The following MID1 variants were observed in gnomAD, a reference collection of about 807,000 sequenced individuals.
MID1 encodes the protein E3 ubiquitin-protein ligase Midline-1.
MID1 carries 7 observed loss-of-function variants against 40.4 expected under a neutral mutation model. That is an observed-to-expected ratio of 0.17 (90% CI 0.10 to 0.33). The LOEUF is 0.33. Among genes scored for constraint, MID1 ranks in the 10% least tolerant of loss-of-function variants. The pLI is 1.00. For synonymous variants in MID1, 229 were observed against 221.2 expected, an observed-to-expected ratio of 1.04 and a Z score of -0.31; for missense variants, 367 against 558.5, an observed-to-expected ratio of 0.66 and a Z score of 3.46.
rs1928029833 is a variant in MID1 at position 10,446,159 on chromosome X, A to C, written c.*3209T>G. On this transcript the variant is annotated 3_prime_UTR_variant, in exon 10 of 10. Coordinates refer to ENST00000317552, the MANE Select transcript of MID1 (RefSeq NM_000381.4). ...GGGGGGCAAAATCGAGCACTGGTTG[A>C]GAAGCGCTGTTTTCAAAAACATCCT... The C allele has an allele frequency of 9.0e-6, 1 of 111,475 alleles. No homozygotes were observed. The highest frequency in any genetic ancestry group is 1.9e-5 in the Non-Finnish European group (1 of 53,103). The allele number at this position is 111,475 out of a possible 1,213,427, so 9.2% of individuals were successfully genotyped here. A position where few individuals can be genotyped will look rare whatever the true frequency, so the allele number is the denominator to read the frequency against.
At chrX:10,640,498 C>A (rs1936178901) in intron 1 of MID1, among the ~76,000 whole-genome samples, 1 of 111,336 alleles carries the variant, frequency 9.0e-6, no homozygotes, top group Non-Finnish European at 1.9e-5. Flanking sequence ...AATACAGGAG[C>A]ACCCAGATTC....
intron 3 of MID1, chrX:10,506,116 A>AC: frequency 1.2e-6 from 1 of 835,237 alleles, no homozygotes; most frequent in Non-Finnish European, 1.4e-6. Context: ...GTCATTCTAG[A>AC]ATATCAGGAG....
At chrX:10,467,486 G>T (rs1359117587) in intron 7 of MID1, among the ~76,000 whole-genome samples, 1 of 111,848 alleles carries the variant, frequency 8.9e-6, no homozygotes, top group Non-Finnish European at 1.9e-5. Flanking sequence ...AAGTCTTCCT[G>T]GAATTATCTT....
chrX:10,536,698 C>T lies in MID1; in HGVS notation c.661-13511G>A, dbSNP rs1482729668. On this transcript the variant is annotated intron_variant, in intron 2 of 9. Coordinates refer to ENST00000317552, the MANE Select transcript of MID1 (RefSeq NM_000381.4). ...GTTCTCAAAATGTAGCTTGGCCCAA[C>T]CACAGCAGTCACCTGGGGAGCCGGT... Among the ~76,000 whole-genome samples, 2 of 112,121 alleles carry T rather than the reference C, an allele frequency of 1.8e-5. 1 individual carries two copies. The highest frequency in any genetic ancestry group is 6.5e-5 in the African/African-American group (2 of 30,834).
rs763510673 is a variant in MID1 at position 10,644,481 on chromosome X, ATGTT to A, written c.-186-24066_-186-24063del. Among the ~76,000 whole-genome samples, 143 of 110,389 alleles carry A rather than the reference ATGTT, an allele frequency of 1.3e-3. 1 individual carries two copies. The highest frequency in any genetic ancestry group is 2.1e-3 in the Non-Finnish European group (109 of 52,807). Reference sequence around the variant, plus strand: ...ACGACATTTCTTTTTCATTATTCATATGTTTGAGTATCAGAATAAATATTCTGAT... The same window carrying A: ...ACGACATTTCTTTTTCATTATTCATATGAGTATCAGAATAAATATTCTGAT... On this transcript the variant is annotated intron_variant, in intron 1 of 10. Transcript: ENST00000380785.
intron 1 of MID1, among the ~76,000 whole-genome samples, chrX:10,583,714 T>A: frequency 8.9e-6 from 1 of 111,932 alleles, no homozygotes; most frequent in Middle Eastern, 4.6e-3. Flanking sequence ...ATAACAGAAT[T>A]CTTGAGACTA....
chrX:10,511,043 G>A (rs1235453346), intron 3 of MID1, among the ~76,000 whole-genome samples: 1 of 108,349 alleles, frequency 9.2e-6, no homozygotes, highest in East Asian at 2.9e-4. Context: ...TCAGGAGTTC[G>A]TGACCAGGCT....
chrX:10,559,200 C>A (rs1410943022), intron 2 of MID1, among the ~76,000 whole-genome samples: 1 of 112,362 alleles, frequency 8.9e-6, no homozygotes, highest in Non-Finnish European at 1.9e-5. Context: ...TACATTTCAA[C>A]ACATTGTATA....
chrX:10,703,694 G>T (rs1221117061), intron 1 of MID1, among the ~76,000 whole-genome samples: 3 of 111,792 alleles, frequency 2.7e-5, no homozygotes, highest in Non-Finnish European at 5.6e-5. Flanking sequence ...TCTAAAGACA[G>T]ATTTTTAGCC....
intron 1 of MID1, among the ~76,000 whole-genome samples, chrX:10,751,264 C>CA (rs56817903): frequency 3.0e-4 from 30 of 98,868 alleles, no homozygotes; most frequent in African/African-American, 8.0e-4. Flanking sequence ...GACTCCATCT[C>CA]AAAAAAAAAA....
At chrX:10,746,443 T>C (rs1386844720) in intron 1 of MID1, among the ~76,000 whole-genome samples, 1 of 112,091 alleles carries the variant, frequency 8.9e-6, no homozygotes, top group Non-Finnish European at 1.9e-5. Flanking sequence ...CATTCGACCA[T>C]TGCCTTTTTG....
chrX:10,787,074 T>C (rs1358144588), intron 1 of MID1, among the ~76,000 whole-genome samples: 1 of 111,579 alleles, frequency 9.0e-6, no homozygotes, highest in Non-Finnish European at 1.9e-5. Flanking sequence ...TAGGAAAAGA[T>C]ACAGGTTTAT....
chrX:10,662,749 C>G (rs368798435), intron 1 of MID1, among the ~76,000 whole-genome samples: 1 of 111,673 alleles, frequency 9.0e-6, no homozygotes, highest in African/African-American at 3.3e-5. Flanking sequence ...CATAATTCTA[C>G]GAGCTTGCTA....
At chrX:10,610,864 G>A (rs367721876) in intron 1 of MID1, among the ~76,000 whole-genome samples, 1 of 111,558 alleles carries the variant, frequency 9.0e-6, no homozygotes, top group African/African-American at 3.3e-5. Flanking sequence ...ACACAATTAG[G>A]AGTTGTGCCT....
chrX:10,720,852 G>A (rs1208429811), intron 1 of MID1, among the ~76,000 whole-genome samples: 36 of 110,074 alleles, frequency 3.3e-4, no homozygotes, highest in African/African-American at 1.1e-3. Flanking sequence ...TATACACCAT[G>A]GAATACTATG....
intron 1 of MID1, among the ~76,000 whole-genome samples, chrX:10,704,765 C>CACACACACACACACACACAG (rs781699598): frequency 5.5e-5 from 5 of 91,635 alleles, no homozygotes; most frequent in African/African-American, 1.8e-4. Context: ...CACACACACA[C>CACACACACACACACACACAG]AGAGAGAGAG....
At chrX:10,557,798 C>T (rs1934178870) in intron 2 of MID1, among the ~76,000 whole-genome samples, 1 of 111,881 alleles carries the variant, frequency 8.9e-6, no homozygotes, top group South Asian at 3.7e-4. Context: ...TACCTAAGAG[C>T]CAATCAGCAA....
At chrX:10,550,201 T>C (rs774858233) in intron 2 of MID1, among the ~76,000 whole-genome samples, 3 of 112,464 alleles carry the variant, frequency 2.7e-5, no homozygotes, top group South Asian at 7.4e-4. Context: ...GCCTGTTCTC[T>C]GCAGACTCCC....
intron 1 of MID1, among the ~76,000 whole-genome samples, chrX:10,734,897 G>A (rs182777053): frequency 1.7e-4 from 19 of 111,764 alleles, no homozygotes; most frequent in Non-Finnish European, 1.9e-5. Flanking sequence ...CCCTCAATAT[G>A]TTTTGGTGAT....
Sources: gnomAD v4.1 joint callset for allele counts (sites outside exome capture counted in the v4.1 genomes callset) on GRCh38, gnomAD v4.1.1 for gene constraint, MANE v1.5 for transcripts, NCBI Gene and HGNC (gene_info 2026-07-23, HGNC 2026-07-21) for gene names.